The following CFTR variants were observed in gnomAD, a reference collection of about 807,000 sequenced individuals.
CFTR encodes the protein CF transmembrane conductance regulator.
In CFTR, 181 loss-of-function variants were observed where a neutral mutation model predicts 171.6. The ratio of observed to expected loss-of-function variants is 1.05; its 90% CI spans 0.93 to 1.19. The LOEUF is 1.19. Ranked by LOEUF, CFTR falls within the 50% of genes most tolerant of loss-of-function variation. The pLI is 0.00. For synonymous variants in CFTR, 583 were observed against 608.0 expected (o/e 0.96, Z 0.60); for missense variants, 1,968 against 1,734.7 (o/e 1.13, Z -2.39).
chr7:117,551,407 T>A (rs34599010), intron 10 of CFTR, among the ~76,000 whole-genome samples: 2,245 of 152,286 alleles, frequency 0.015, 56 homozygotes, highest in African/African-American at 0.051. Flanking sequence ...AAGGATAAAT[T>A]TATCAAGTTG....
At chr7:117,575,969 G>T (rs1207242001) in intron 11 of CFTR, among the ~76,000 whole-genome samples, 1 of 151,788 alleles carries the variant, frequency 6.6e-6, no homozygotes, top group Non-Finnish European at 1.5e-5. Flanking sequence ...TTATATTTTT[G>T]TGTCTTCTCT....
In CFTR at chr7:117,611,806, C is replaced by CA; in HGVS notation, c.3366dup (p.Gly1123ArgfsTer33). 6.2e-7 allele frequency: 1 copy of CA among 1,602,724 alleles called. No homozygotes were observed. The highest frequency in any genetic ancestry group is 2.2e-5 in the East Asian group (1 of 44,758). ...GTTACCTTCATTTCCATTTTAACAACAGGTACTATGAACTCATTAACTTTA... is the reference window on the plus strand; with the variant it reads ...GTTACCTTCATTTCCATTTTAACAACAAGGTACTATGAACTCATTAACTTTA... On this transcript the variant is annotated frameshift_variant and splice_region_variant, in exon 20 of 27. Transcript: ENST00000003084. LOFTEE classifies it high-confidence loss of function.
intron 3 of CFTR, among the ~76,000 whole-genome samples, chr7:117,518,970 T>C (rs1798643585): frequency 6.6e-6 from 1 of 152,160 alleles, no homozygotes; most frequent in Admixed American, 6.6e-5. Context: ...ACCAAACCTA[T>C]TATTGCTGCT....
At chr7:117,590,276 T>C in intron 12 of CFTR, 77 bp from the exon 13 acceptor site, 2 of 1,539,760 alleles carry the variant, frequency 1.3e-6, no homozygotes, top group Admixed American at 3.5e-5. Flanking sequence ...TGTAGTGAAC[T>C]GTTTAAGGCA....
chr7:117,666,324 G>A (rs1187882199), intron 26 of CFTR, among the ~76,000 whole-genome samples: 1 of 152,162 alleles, frequency 6.6e-6, no homozygotes, highest in Admixed American at 6.5e-5. Flanking sequence ...TGAGCCTCCT[G>A]GAGGTAAATG....
chr7:117,603,001 T>C (rs1393608969), intron 16 of CFTR, 138 bp downstream of exon 16: 4 of 912,120 alleles, frequency 4.4e-6, no homozygotes, highest in Non-Finnish European at 7.3e-6. Context: ...AGATAAGGTT[T>C]TTTGTTTAAA....
At chr7:117,610,749 A>G in intron 19 of CFTR, 80 bp downstream of exon 19, 14 of 1,492,324 alleles carry the variant, frequency 9.4e-6, no homozygotes, top group Non-Finnish European at 1.3e-5. Flanking sequence ...TAATCTACTT[A>G]AAAAAAATTC....
chr7:117,630,505 T>C (rs778526904), intron 22 of CFTR, among the ~76,000 whole-genome samples: 3 of 152,074 alleles, frequency 2.0e-5, no homozygotes, highest in South Asian at 2.1e-4. Context: ...CACAGATACA[T>C]TGAAGCATGA....
chr7:117,514,174 T>A (rs1048698470), intron 3 of CFTR, among the ~76,000 whole-genome samples: 13 of 152,030 alleles, frequency 8.6e-5, no homozygotes, highest in African/African-American at 2.9e-4. Flanking sequence ...TAGTTTAATT[T>A]TTTTTTTATT....
In CFTR at chr7:117,667,459, C is replaced by T. The variant is rs1174109278; in HGVS notation, c.*351C>T. 1.4e-5 allele frequency: 5 copies of T among 348,724 alleles called. No homozygotes were observed. The Admixed American group carries it at 1.6e-4, about 11-fold the overall frequency. The allele number at this position is 348,724 out of a possible 1,614,324, so 21.6% of individuals were successfully genotyped here. On this transcript the variant is annotated 3_prime_UTR_variant, in exon 27 of 27. Transcript: ENST00000003084. ...TCAGCCTAGTTGATCAGCTTATTGTCTAGTGAAACTCGTTAATTTGTAGTG... is the reference window on the plus strand; with the variant it reads ...TCAGCCTAGTTGATCAGCTTATTGTTTAGTGAAACTCGTTAATTTGTAGTG...
intron 11 of CFTR, among the ~76,000 whole-genome samples, chr7:117,576,984 C>T (rs1246446971): frequency 1.3e-5 from 2 of 151,976 alleles, no homozygotes; most frequent in Non-Finnish European, 1.5e-5. Context: ...TCACAGTCTT[C>T]GAAGGTAGAG....
intron 21 of CFTR, 36 bp downstream of exon 21, chr7:117,614,749 A>G: frequency 5.8e-6 from 8 of 1,385,182 alleles, no homozygotes; most frequent in Non-Finnish European, 8.2e-6. Flanking sequence ...TTATGAAAAA[A>G]ATTCAGACAA....
At chr7:117,612,006 GATATATATATATATATGTATAT>G (rs1170109369) in intron 20 of CFTR, among the ~76,000 whole-genome samples, 198 bp downstream of exon 20, 1 of 76,796 alleles carries the variant, frequency 1.3e-5, no homozygotes, top group Non-Finnish European at 2.6e-5. Flanking sequence ...CTTGAAATCG[GATATATATATATATATGTATAT>G]ATATATATAT....
chr7:117,501,676 G>T (rs1445735548), intron 1 of CFTR, among the ~76,000 whole-genome samples: 1 of 146,754 alleles, frequency 6.8e-6, no homozygotes, highest in African/African-American at 2.5e-5. Flanking sequence ...GAACCCAGGA[G>T]GTGGAGGTTG....
chr7:117,618,150 C>T (rs1001924895), intron 21 of CFTR, among the ~76,000 whole-genome samples: 1 of 152,112 alleles, frequency 6.6e-6, no homozygotes, highest in Non-Finnish European at 1.5e-5. Flanking sequence ...TCTTTCAGAT[C>T]TCTAAACATC....
At chr7:117,631,947 A>G (rs1041002051) in intron 22 of CFTR, among the ~76,000 whole-genome samples, 3 of 152,170 alleles carry the variant, frequency 2.0e-5, no homozygotes, top group Non-Finnish European at 4.4e-5. Flanking sequence ...TGTGGGGTCT[A>G]TGCTAATAAC....
chr7:117,497,572 G>A (rs754831015), intron 1 of CFTR, among the ~76,000 whole-genome samples: 9 of 152,150 alleles, frequency 5.9e-5, no homozygotes, highest in Non-Finnish European at 7.4e-5. Flanking sequence ...AAGGTTACAA[G>A]CTAGGGCTGT....
chr7:117,524,018 G>C (rs1798728832), intron 3 of CFTR, among the ~76,000 whole-genome samples: 1 of 151,962 alleles, frequency 6.6e-6, no homozygotes, highest in East Asian at 1.9e-4. Context: ...TTGCATACTT[G>C]CTTTGCAATG....
intron 3 of CFTR, among the ~76,000 whole-genome samples, chr7:117,518,332 A>G (rs953369362): frequency 5.6e-5 from 8 of 142,934 alleles, no homozygotes; most frequent in Middle Eastern, 6.5e-3. Context: ...TGTATATAAC[A>G]TATGTTATAT....
Sources: gnomAD v4.1 joint callset for allele counts (sites outside exome capture counted in the v4.1 genomes callset) on GRCh38, gnomAD v4.1.1 for gene constraint, MANE v1.5 for transcripts, NCBI Gene and HGNC (gene_info 2026-07-23, HGNC 2026-07-21) for gene names.